Variants in KLHL26 observed in about 807,000 individuals in gnomAD.
KLHL26 encodes the protein kelch-like protein 26.
Under a neutral mutation model 7.1 loss-of-function variants are expected in KLHL26, and 4 were observed. The ratio of observed to expected loss-of-function variants is 0.56; its 90% CI spans 0.28 to 1.28. KLHL26 has a LOEUF of 1.28. KLHL26 is among the 50% of genes most tolerant of loss of function. KLHL26 has a pLI of 0.11. For missense variants in KLHL26, 896 were observed against 924.6 expected (o/e 0.97, Z 0.40); for synonymous variants, 465 against 414.1 (o/e 1.12, Z -1.49).
chr19:18,659,312 C>T (rs977776223), intron 1 of KLHL26, among the ~76,000 whole-genome samples: 1 of 152,206 alleles, frequency 6.6e-6, no homozygotes, highest in African/African-American at 2.4e-5. Flanking sequence ...TCTCAGCCGG[C>T]CCTGACATCC....
chr19:18,659,679 A>T (rs911914751), intron 1 of KLHL26: 1 of 152,112 alleles, frequency 6.6e-6, no homozygotes, highest in African/African-American at 2.4e-5. Flanking sequence ...GGACATTCCA[A>T]TGAAAAGAAC....
intron 2 of KLHL26, among the ~76,000 whole-genome samples, chr19:18,667,137 C>G (rs1219979541): frequency 2.0e-5 from 3 of 149,246 alleles, no homozygotes; most frequent in African/African-American, 7.5e-5. Flanking sequence ...TGGGTGGATT[C>G]AAAATCTTTT....
At position 18,668,955 on chromosome 19, in the gene KLHL26, G is replaced by A. The variant is rs781498774; in HGVS notation, c.1558G>A (p.Val520Met). 6 of 1,611,212 alleles carry A rather than the reference G, an allele frequency of 3.7e-6. 1 individual carries two copies. The South Asian group carries it at 5.5e-5, about 15-fold the overall frequency. The change falls in exon 3 of 3, where the codon GTG becomes ATG. Residue 520 changes from valine to methionine, a missense_variant. Physicochemically the swap from Val to Met is conservative, Grantham distance 21. Transcript: ENST00000300976. ...IYALGGRMDH[V>M]DRCFDVLAVE... ...TGCCCTCGGGGGCCGCATGGACCACGTGGACCGCTGCTTCGACGTGCTGGC... is the reference window on the plus strand; with the variant it reads ...TGCCCTCGGGGGCCGCATGGACCACATGGACCGCTGCTTCGACGTGCTGGC...
At chr19:18,655,682 G>C (rs556673160) in intron 1 of KLHL26, among the ~76,000 whole-genome samples, 2 of 124,818 alleles carry the variant, frequency 1.6e-5, no homozygotes, top group African/African-American at 6.3e-5. Context: ...GCCAGGATGG[G>C]AGGGGTGCTG....
In KLHL26 at chr19:18,664,406, C is replaced by A; in HGVS notation, c.229C>A (p.His77Asn). Residue 77 changes from histidine to asparagine, a missense_variant, in exon 2 of 3, where the codon CAC becomes AAC. Transcript: ENST00000300976. Reference protein sequence around the residue: ...LTINREAFPAHKVVLAACSDY... With the variant: ...LTINREAFPANKVVLAACSDY... ...TATTAACAGAGAGGCCTTTCCTGCACACAAGGTCGTCCTGGCTGCCTGCAG... is the reference window on the plus strand; with the variant it reads ...TATTAACAGAGAGGCCTTTCCTGCAAACAAGGTCGTCCTGGCTGCCTGCAG... 1 of 1,600,672 alleles carries A rather than the reference C, an allele frequency of 6.2e-7. No homozygotes were observed.
chr19:18,661,330 C>G lies in KLHL26; in HGVS notation c.84-2931C>G, dbSNP rs111560563. On this transcript the variant is annotated intron_variant, in intron 1 of 2. Transcript: ENST00000300976. ...CCATGTTTGGAACACTGGCCCACCT[C>G]CCTGGTTTCCTGTTCCTCAGTCATC... is the stretch of plus-strand genomic sequence containing the variant. Among the ~76,000 whole-genome samples, 45 of 152,256 alleles carry G rather than the reference C, an allele frequency of 3.0e-4. 1 individual carries two copies. The highest frequency in any genetic ancestry group is 1.0e-3 in the African/African-American group (43 of 41,536).
chr19:18,646,775 G>A lies in KLHL26; in HGVS notation c.83+9638G>A, dbSNP rs752788685. ...CAATGCCAGCAAGCCTTGATGTGGC[G>A]TGCGTGTGTCAGGCAGGGAAAGGAG... On this transcript the variant is annotated intron_variant, in intron 1 of 2. Coordinates refer to ENST00000300976, the MANE Select transcript of KLHL26 (RefSeq NM_018316.3). The surrounding 1 kb of genome is among the most constrained non-coding windows in gnomAD (Gnocchi z 5.0). 1.9e-4 allele frequency among the ~76,000 whole-genome samples: 29 copies of A among 152,344 alleles called. No individual in the cohort carries two copies. Among genetic ancestry groups the A allele is most frequent in the South Asian group, 4.1e-4 (2 of 4,828 alleles).
chr19:18,642,659 C>T (rs940372024), intron 1 of KLHL26, among the ~76,000 whole-genome samples: 16 of 150,214 alleles, frequency 1.1e-4, no homozygotes, highest in African/African-American at 3.7e-4. Context: ...CCACTGCGCC[C>T]GGCTTGTGGT....
At position 18,668,417 on chromosome 19, in the gene KLHL26, C is replaced by T. The variant is rs765755215; in HGVS notation, c.1020C>T (p.His340=). The change falls in exon 3 of 3, where the codon CAC becomes CAT. Residue 340 remains histidine, a synonymous_variant. Transcript: ENST00000300976. ...VYQLPEPGAR[H]FRELTEMEVG... is the part of the protein sequence containing the mutation. The stretch of plus-strand genomic sequence containing the variant: ...AGCTGCCTGAGCCGGGAGCCCGCCA[C>T]TTCCGCGAGCTCACGGAGATGGAGG... 4 of 1,611,084 alleles carry T rather than the reference C, an allele frequency of 2.5e-6. No individual in the cohort carries two copies. The South Asian group carries it at 4.4e-5, about 18-fold the overall frequency.
intron 1 of KLHL26, among the ~76,000 whole-genome samples, chr19:18,661,703 G>A (rs2052393293): frequency 6.6e-6 from 1 of 152,102 alleles, no homozygotes; most frequent in African/African-American, 2.4e-5. Flanking sequence ...GTAAGTTTCA[G>A]AAATAGAGTT....
Position 18,669,326 on chromosome 19 carries a change from C to T in KLHL26, c.*81C>T, listed in dbSNP as rs2052500854. ...GGCGAATGCACGTCTGCCTGAGAAC[C>T]CCAGTGCCCCCCTTCGCCCGGGCTG... On this transcript the variant is annotated 3_prime_UTR_variant, in exon 3 of 3. Transcript: ENST00000300976. 2 of 1,113,444 alleles carry T rather than the reference C, an allele frequency of 1.8e-6. No individual in the cohort carries two copies. Among genetic ancestry groups the T allele is most frequent in the Non-Finnish European group, 2.6e-6 (2 of 767,076 alleles). 69.0% of individuals were successfully genotyped at this position (1,113,444 alleles called of 1,614,324 possible).
rs528682111 is a variant in KLHL26, at chr19:18,669,681, T to C, written c.*436T>C. On this transcript the variant is annotated 3_prime_UTR_variant, in exon 3 of 3. Transcript: ENST00000300976. ...TCGGTGGTATATGACTCACCCTCCTTCCAAGTCTCCTGCGCGCGTGTTTTT... is the reference window on the plus strand; with the variant it reads ...TCGGTGGTATATGACTCACCCTCCTCCCAAGTCTCCTGCGCGCGTGTTTTT... 5.6e-5 allele frequency: 15 copies of C among 266,082 alleles called. No homozygotes were observed. In the East Asian group the frequency reaches 8.2e-4, roughly 15 times the overall value. 16.5% of individuals were successfully genotyped at this position (266,082 alleles called of 1,614,324 possible). A position where few individuals can be genotyped will look rare whatever the true frequency, so the allele number is the denominator to read the frequency against.
chr19:18,638,562 G>T (rs1976658422), intron 1 of KLHL26, among the ~76,000 whole-genome samples: 1 of 152,222 alleles, frequency 6.6e-6, no homozygotes, highest in Admixed American at 6.5e-5. Flanking sequence ...AGGATTTTCA[G>T]AGATATTCAG....
chr19:18,669,024 A>G lies in KLHL26; in HGVS notation c.1627A>G (p.Ser543Gly), dbSNP rs2052494887. ...GGAGACGGACCAGTGGACCAGCGTG[A>G]GCCCCATGCGGGCCGGCCAGTCAGA... ...VPETDQWTSVSPMRAGQSEAG... is the reference protein window; with the variant it reads ...VPETDQWTSVGPMRAGQSEAG... The change falls in exon 3 of 3, where the codon AGC becomes GGC. Residue 543 changes from serine (S) to glycine (G), a missense_variant. By Grantham distance (56) the Ser-to-Gly change is moderately conservative. Transcript: ENST00000300976. 6.2e-7 allele frequency: 1 copy of G among 1,612,632 alleles called. No individual in the cohort carries two copies. The highest frequency in any genetic ancestry group is 1.1e-5 in the South Asian group (1 of 91,080).
intron 1 of KLHL26, among the ~76,000 whole-genome samples, chr19:18,654,017 TTCCA>T (rs1043852960): frequency 2.1e-4 from 13 of 62,604 alleles, no homozygotes; most frequent in African/African-American, 7.2e-4. Flanking sequence ...CCACCCACCC[TTCCA>T]TCCATCCATC....
intron 1 of KLHL26, among the ~76,000 whole-genome samples, 189 bp downstream of exon 1, chr19:18,637,326 G>T (rs1158631305): frequency 6.6e-6 from 1 of 152,160 alleles, no homozygotes; most frequent in Non-Finnish European, 1.5e-5. Context: ...TGGCTGGAGG[G>T]GGGCTGGGTG....
chr19:18,640,083 C>T (rs1456989578), intron 1 of KLHL26, among the ~76,000 whole-genome samples: 1 of 151,408 alleles, frequency 6.6e-6, no homozygotes, highest in Admixed American at 6.6e-5. Context: ...TATCCATTAA[C>T]TGGTTGATGG....
chr19:18,652,103 T>G (rs2052265582), intron 1 of KLHL26, among the ~76,000 whole-genome samples: 1 of 151,768 alleles, frequency 6.6e-6, no homozygotes, highest in South Asian at 2.1e-4. Context: ...AGGAGTGTGG[T>G]GGAGGGAGAA....
Position 18,669,363 on chromosome 19 carries a change from C to T in KLHL26, c.*118C>T. The T allele has an allele frequency of 2.6e-6, 2 of 760,326 alleles. No individual in the cohort carries two copies. Among genetic ancestry groups the T allele is most frequent in the Non-Finnish European group, 4.3e-6 (2 of 466,924 alleles). 47.1% of individuals were successfully genotyped at this position (760,326 alleles called of 1,614,324 possible). A position where few individuals can be genotyped will look rare whatever the true frequency, so the allele number is the denominator to read the frequency against. The stretch of plus-strand genomic sequence containing the variant: ...CTTCGCCCGGGCTGCCCTTGAGGGG[C>T]CTGCTGCGTTGATAAGCCCCCCTCC... On this transcript the variant is annotated 3_prime_UTR_variant, in exon 3 of 3. Coordinates refer to ENST00000300976, the MANE Select transcript of KLHL26 (RefSeq NM_018316.3).
Sources: gnomAD v4.1 joint callset for allele counts (sites outside exome capture counted in the v4.1 genomes callset) on GRCh38, gnomAD v4.1.1 for gene constraint, Gnocchi (gnomAD v3.1) non-coding constraint, MANE v1.5 for transcripts, NCBI Gene and HGNC (gene_info 2026-07-23, HGNC 2026-07-21) for gene names.